The following SUN2 variants were observed in gnomAD, a reference collection of about 807,000 sequenced individuals.
SUN2 encodes Sad1 and UNC84 domain containing 2, also known as SUN domain-containing protein 2.
In SUN2, 60 loss-of-function variants were observed where a neutral mutation model predicts 100.0. The observed-to-expected ratio is 0.60, with a 90% CI of 0.49 to 0.74. SUN2 has a LOEUF of 0.74. Ranked by LOEUF, SUN2 falls within the 30% of genes least tolerant of loss-of-function variation. SUN2 has a pLI of 0.00. For missense variants in SUN2, 834 were observed against 954.6 expected (o/e 0.87, Z 1.66); for synonymous variants, 367 against 403.3 (o/e 0.91, Z 1.08).
At chr22:38,746,932 G>T (rs978519168) in intron 7 of SUN2, among the ~76,000 whole-genome samples, 1 of 152,118 alleles carries the variant, frequency 6.6e-6, no homozygotes, top group Non-Finnish European at 1.5e-5. Context: ...TACTCGGGAG[G>T]CTGAGGCAGG....
intron 8 of SUN2, 51 bp downstream of exon 8, chr22:38,745,633 G>A (rs753212158): frequency 5.5e-5 from 88 of 1,601,462 alleles, no homozygotes; most frequent in Middle Eastern, 1.7e-4. Flanking sequence ...CACTTTCACC[G>A]TCACCTAATT....
At position 38,737,148 on chromosome 22, in the gene SUN2, C is replaced by T. The variant is rs774778688; in HGVS notation, c.2041-768G>A. On this transcript the variant is annotated intron_variant, in intron 17 of 17. Coordinates refer to ENST00000689035, the MANE Select transcript of SUN2 (RefSeq NM_015374.3). This position sits in a 1 kb window ranked among gnomAD's most constrained non-coding sequence, Gnocchi z 4.1. ...AGACATGAGCCACCTCGTCTGGCCT[C>T]TATACTTTCCTAAAGAGAAATCCCA... Among the ~76,000 whole-genome samples, 3 of 152,154 alleles carry T rather than the reference C, an allele frequency of 2.0e-5. No homozygotes were observed. Among genetic ancestry groups the T allele is most frequent in the Non-Finnish European group, 2.9e-5 (2 of 68,024 alleles).
At position 38,742,528 on chromosome 22, in the gene SUN2, G is replaced by A; in HGVS notation, c.841C>T (p.His281Tyr). 6.2e-7 allele frequency: 1 copy of A among 1,612,902 alleles called. No individual in the cohort carries two copies. Among genetic ancestry groups the A allele is most frequent in the Non-Finnish European group, 8.5e-7 (1 of 1,179,988 alleles). Residue 281 changes from histidine to tyrosine, a missense_variant, in exon 9 of 18, where the codon CAC becomes TAC. His to Tyr is a moderately conservative substitution (Grantham distance 83, BLOSUM62 2). This residue lies in a region of SUN2 where 559 missense variants were observed against 597.7 expected (regional missense o/e 0.94). Transcript: ENST00000689035. ...QAEQRVMSRV[H>Y]SLERRLEALA... ...GCTTCCAGACGCCGCTCCAGAGAGT[G>A]TACCCGGGACATAACACGCTGCTCA...
chr22:38,753,402 G>C (rs1460042820), intron 1 of SUN2, among the ~76,000 whole-genome samples: 1 of 151,924 alleles, frequency 6.6e-6, no homozygotes, highest in East Asian at 1.9e-4. Context: ...TTTTAATAGA[G>C]ACGGGGTTTC....
In SUN2 at chr22:38,742,306, T is replaced by C. The variant is rs2092865087; in HGVS notation, c.1063A>G (p.Ile355Val). The C allele has an allele frequency of 6.3e-7, 1 of 1,599,248 alleles. No individual in the cohort carries two copies. The highest frequency in any genetic ancestry group is 1.3e-5 in the African/African-American group (1 of 74,816). Residue 355 changes from isoleucine (I) to valine (V), a missense_variant, in exon 9 of 18, where the codon ATC becomes GTC. Physicochemically the swap from Ile to Val is conservative, Grantham distance 29. This residue lies in a region of SUN2 where 559 missense variants were observed against 597.7 expected (regional missense o/e 0.94). Coordinates refer to ENST00000689035, the MANE Select transcript of SUN2 (RefSeq NM_015374.3). Reference protein sequence around the residue: ...EDFRRETAARIQEELSALRAE... With the variant: ...EDFRRETAARVQEELSALRAE... ...TGAGGTATTCCACCTCCTACCTGGA[T>C]GCGAGCAGCAGTTTCCCTGCGGAAA... is the stretch of plus-strand genomic sequence containing the variant.
At position 38,736,026 on chromosome 22, in the gene SUN2, C is replaced by T; in HGVS notation, c.*241G>A. 1 of 549,820 alleles carries T rather than the reference C, an allele frequency of 1.8e-6. No homozygotes were observed. The highest frequency in any genetic ancestry group is 3.4e-6 in the Non-Finnish European group (1 of 294,938). 34.1% of individuals were successfully genotyped at this position (549,820 alleles called of 1,614,324 possible). On this transcript the variant is annotated 3_prime_UTR_variant, in exon 18 of 18. Transcript: ENST00000689035. ...GATATGCTACATATATACACACTCC[C>T]AGGATGGGAAGCAGACGCCACGGGC...
chr22:38,753,022 T>C (rs964978697), intron 1 of SUN2, among the ~76,000 whole-genome samples: 2 of 152,138 alleles, frequency 1.3e-5, no homozygotes, highest in Non-Finnish European at 2.9e-5. Context: ...CTCTGACAAG[T>C]AGCAGAGACT....
chr22:38,739,967 A>G lies in SUN2; in HGVS notation c.1357-24T>C. On this transcript the variant is annotated intron_variant, in intron 12 of 17. Coordinates refer to ENST00000689035, the MANE Select transcript of SUN2 (RefSeq NM_015374.3). The surrounding 1 kb of genome is among the most constrained non-coding windows in gnomAD (Gnocchi z 6.7). ...ACCTATAGGAACCCAAAGGGGTGTCACCCTGGGGGGCTTGCAGGGACAGCA... is the reference window on the plus strand; with the variant it reads ...ACCTATAGGAACCCAAAGGGGTGTCGCCCTGGGGGGCTTGCAGGGACAGCA... The G allele has an allele frequency of 6.2e-7, 1 of 1,602,736 alleles. No homozygotes were observed. The highest frequency in any genetic ancestry group is 8.5e-7 in the Non-Finnish European group (1 of 1,177,056).
intron 1 of SUN2, chr22:38,754,603 T>TGGGGGGGCGGCG: frequency 1.1e-6 from 1 of 889,150 alleles, no homozygotes; most frequent in Non-Finnish European, 1.6e-6. Context: ...TAAGGTAATC[T>TGGGGGGGCGGCG]CCCCTCCCCC....
Position 38,750,270 on chromosome 22 carries a change from C to T in SUN2, c.475G>A (p.Val159Ile), listed in dbSNP as rs201453554. Residue 159 changes from valine (V) to isoleucine (I), a missense_variant, in exon 5 of 18, where the codon GTC becomes ATC. This residue lies in a region of SUN2 where 559 missense variants were observed against 597.7 expected (regional missense o/e 0.94). Transcript: ENST00000689035. Reference sequence around the variant, plus strand: ...CAGAGTAAGGAGCCCGCCCGTGAGACGGCGCTTCGGAGCCGCGAGCTGGAA... The same window carrying T: ...CAGAGTAAGGAGCCCGCCCGTGAGATGGCGCTTCGGAGCCGCGAGCTGGAA... ...QSSSSRLRSA[V>I]SRAGSLLWMV... 67 of 1,613,822 alleles carry T rather than the reference C, an allele frequency of 4.2e-5. No individual in the cohort carries two copies. In the East Asian group the frequency reaches 6.0e-4, roughly 14 times the overall value.
rs2092940369 is a variant in SUN2 at position 38,750,949 on chromosome 22, C to T, written c.373G>A (p.Glu125Lys). The T allele has an allele frequency of 3.7e-6, 6 of 1,613,978 alleles. No homozygotes were observed. The highest frequency in any genetic ancestry group is 5.1e-6 in the Non-Finnish European group (6 of 1,180,008). ...CCCGAGGAAGAGCCCAGGAAGTCCT[C>T]GGTGGCCTTGCGCCCCACAAGCCCG... ...ASGLVGRKAT[E>K]DFLGSSSGYS... The change falls in exon 4 of 18, where the codon GAG (glutamate) becomes AAG (lysine). Residue 125 changes from glutamate to lysine, a missense_variant. Coordinates refer to ENST00000689035, the MANE Select transcript of SUN2 (RefSeq NM_015374.3).
rs139325445 is a variant in SUN2 at position 38,738,973 on chromosome 22, C to T, written c.1679G>A (p.Ser560Asn). ...ALESGGASVI[S>N]TRCSETYETK... ...CTCGTAGGTCTCAGAACATCGGGTG[C>T]TGATGACGCTGGCCCCTGAGACAGG... Residue 560 changes from serine to asparagine, a missense_variant, in exon 15 of 18, where the codon AGC (serine) becomes AAC (asparagine). By Grantham distance (46) the Ser-to-Asn change is conservative. Transcript: ENST00000689035. The surrounding 1 kb of genome is among the most constrained non-coding windows in gnomAD (Gnocchi z 6.6). The T allele has an allele frequency of 6.2e-7, 1 of 1,611,454 alleles. No homozygotes were observed. The highest frequency in any genetic ancestry group is 1.3e-5 in the African/African-American group (1 of 74,976).
Position 38,740,182 on chromosome 22 carries a change from A to G in SUN2, c.1356+85T>C. On this transcript the variant is annotated intron_variant, in intron 12 of 17. Coordinates refer to ENST00000689035, the MANE Select transcript of SUN2 (RefSeq NM_015374.3). The surrounding 1 kb of genome is among the most constrained non-coding windows in gnomAD (Gnocchi z 4.8). ...GGGCATAACAGAGGCTGCAGGGGCA[A>G]GGGGTGCTGCTTTGCAGGCCCCAGG... is the stretch of plus-strand genomic sequence containing the variant. The G allele has an allele frequency of 7.0e-7, 1 of 1,431,242 alleles. No individual in the cohort carries two copies. Among genetic ancestry groups the G allele is most frequent in the Non-Finnish European group, 9.2e-7 (1 of 1,085,464 alleles). The allele number at this position is 1,431,242 out of a possible 1,614,324, so 88.7% of individuals were successfully genotyped here. A position where few individuals can be genotyped will look rare whatever the true frequency, so the allele number is the denominator to read the frequency against.
In SUN2 at chr22:38,755,496, C is replaced by T. The variant is rs2092978598; in HGVS notation, c.-38+267G>A. 8.1e-6 allele frequency: 8 copies of T among 986,800 alleles called. No individual in the cohort carries two copies. In the South Asian group the frequency reaches 1.4e-4, roughly 17 times the overall value. The allele number at this position is 986,800 out of a possible 1,614,324, so 61.1% of individuals were successfully genotyped here. ...CCGGGTTGGGGCAGTCGGCCTTTGC[C>T]CTCCTCCTCCCGGGAGGCTGCCCGG... On this transcript the variant is annotated intron_variant, in intron 1 of 17. Coordinates refer to ENST00000689035, the MANE Select transcript of SUN2 (RefSeq NM_015374.3). This position sits in a 1 kb window ranked among gnomAD's most constrained non-coding sequence, Gnocchi z 5.7.
At chr22:38,752,232 A>G (rs1196302294) in intron 2 of SUN2, among the ~76,000 whole-genome samples, 1 of 152,228 alleles carries the variant, frequency 6.6e-6, no homozygotes, top group Non-Finnish European at 1.5e-5. Context: ...CTGGCATTAC[A>G]GGCGTGAGCC....
At position 38,755,331 on chromosome 22, in the gene SUN2, A is replaced by C; in HGVS notation, c.-38+432T>G. On this transcript the variant is annotated intron_variant, in intron 1 of 17. Transcript: ENST00000689035. This position sits in a 1 kb window ranked among gnomAD's most constrained non-coding sequence, Gnocchi z 5.7. ...CTCTCTAAGTCACACCGCGCCCCCC[A>C]TTGCTTTGTTTTGTTTTGTTTTAGA... is the stretch of plus-strand genomic sequence containing the variant. 1 of 1,092,068 alleles carries C rather than the reference A, an allele frequency of 9.2e-7. No homozygotes were observed. Among genetic ancestry groups the C allele is most frequent in the Non-Finnish European group, 1.1e-6 (1 of 891,954 alleles). The allele number at this position is 1,092,068 out of a possible 1,614,324, so 67.6% of individuals were successfully genotyped here.
At chr22:38,736,475 G>C in intron 17 of SUN2, 95 bp from the exon 18 acceptor site, 1 of 994,388 alleles carries the variant, frequency 1.0e-6, no homozygotes. Context: ...CCTAGGGCCA[G>C]ATGGCTCCCC....
intron 1 of SUN2, chr22:38,754,977 A>C (rs1356997173): frequency 8.5e-6 from 11 of 1,288,904 alleles, no homozygotes; most frequent in Non-Finnish European, 1.0e-5. Flanking sequence ...GGGAGCTGAA[A>C]TCTACTACTG....
rs934946957 is a variant in SUN2 at position 38,734,905 on chromosome 22, G to A, written c.*1362C>T. On this transcript the variant is annotated 3_prime_UTR_variant, in exon 18 of 18. Coordinates refer to ENST00000689035, the MANE Select transcript of SUN2 (RefSeq NM_015374.3). ...TGCATCCAGCCTCATGCTCCAGAGC[G>A]GATTTGAGGCTCAGTGCTGCAGTGA... 2.7e-5 allele frequency: 6 copies of A among 222,212 alleles called. No homozygotes were observed. The highest frequency in any genetic ancestry group is 1.6e-4 in the Admixed American group (3 of 18,954). 13.8% of individuals were successfully genotyped at this position (222,212 alleles called of 1,614,324 possible). A position where few individuals can be genotyped will look rare whatever the true frequency, so the allele number is the denominator to read the frequency against.
Sources: gnomAD v4.1 joint callset for allele counts (sites outside exome capture counted in the v4.1 genomes callset) on GRCh38, gnomAD v4.1.1 for gene constraint, gnomAD v4.1.1 regional missense constraint, Gnocchi (gnomAD v3.1) non-coding constraint, MANE v1.5 for transcripts, NCBI Gene and HGNC (gene_info 2026-07-23, HGNC 2026-07-21) for gene names.